TRIM25: variants seen among roughly 807,000 people sequenced by gnomAD.
TRIM25 encodes tripartite motif containing 25.
TRIM25 carries 45 observed loss-of-function variants against 65.2 expected under a neutral mutation model. The observed-to-expected ratio is 0.69, with a 90% CI of 0.54 to 0.89. The LOEUF is 0.89. Among genes scored for constraint, TRIM25 ranks in the 40% least tolerant of loss-of-function variants. TRIM25 has a pLI of 0.00. For synonymous variants in TRIM25, 321 were observed against 340.4 expected (o/e 0.94, Z 0.63); for missense variants, 714 against 803.7 (o/e 0.89, Z 1.35).
chr17:56,904,212 A>C (rs1478217433), intron 3 of TRIM25, 43 bp downstream of exon 3: 1 of 590,538 alleles, frequency 1.7e-6, no homozygotes, highest in Admixed American at 4.7e-5. Flanking sequence ...ACATCAGGCA[A>C]AAAAAAAAAA....
chr17:56,901,786 C>G (rs576832525), intron 3 of TRIM25, among the ~76,000 whole-genome samples: 2 of 152,164 alleles, frequency 1.3e-5, no homozygotes, highest in African/African-American at 4.8e-5. Context: ...AGAGGTCACT[C>G]ATCTTACAGA....
At chr17:56,898,236 C>T (rs1014198862) in intron 5 of TRIM25, among the ~76,000 whole-genome samples, 4 of 151,584 alleles carry the variant, frequency 2.6e-5, no homozygotes, top group Middle Eastern at 3.4e-3. Context: ...ATATGGACAT[C>T]TCAGCGGTAT....
In TRIM25 at chr17:56,901,576, T is replaced by C; in HGVS notation, c.930A>G (p.Lys310=). 6.2e-7 allele frequency: 1 copy of C among 1,614,072 alleles called. No homozygotes were observed. The highest frequency in any genetic ancestry group is 8.5e-7 in the Non-Finnish European group (1 of 1,180,002). ...TTGAGATTCCTCGCAGTTTTGATGC[T>C]TTCTGGAACATGCCAGGGGGTTAGT... ...TKRDEFEFLE[K]ASKLRGISTK... Residue 310 remains lysine (K), a splice_region_variant and synonymous_variant, in exon 4 of 9, where the codon AAA becomes AAG. Coordinates refer to ENST00000316881, the MANE Select transcript of TRIM25 (RefSeq NM_005082.5).
rs2144358791 is a variant in TRIM25 at position 56,904,435 on chromosome 17, C to G, written c.747G>C (p.Lys249Asn). Residue 249 changes from lysine (K) to asparagine (N), a missense_variant, in exon 3 of 9, where the codon AAG becomes AAC. Lys to Asn is a moderately conservative substitution (Grantham distance 94). Around this residue, in one of 3 missense-constraint regions of TRIM25, gnomAD observed 413 missense variants for 498.2 expected, o/e 0.83. Transcript: ENST00000316881. ...EQLQQEYTEM[K>N]ALLDASETTS... The stretch of plus-strand genomic sequence containing the variant: ...TGGTCTCTGAGGCGTCCAAGAGAGC[C>G]TTCATTTCCGTGTATTCTTGTTGTA... 6.2e-7 allele frequency: 1 copy of G among 1,614,084 alleles called. No individual in the cohort carries two copies. Among genetic ancestry groups the G allele is most frequent in the East Asian group, 2.2e-5 (1 of 44,876 alleles).
chr17:56,907,751 T>A (rs529131271), intron 2 of TRIM25, among the ~76,000 whole-genome samples: 9 of 152,336 alleles, frequency 5.9e-5, no homozygotes, highest in African/African-American at 1.9e-4. Flanking sequence ...GTGACTGTAA[T>A]CTTACTTAGG....
At chr17:56,900,575 C>T (rs1416781803) in intron 4 of TRIM25, among the ~76,000 whole-genome samples, 1 of 152,144 alleles carries the variant, frequency 6.6e-6, no homozygotes, top group African/African-American at 2.4e-5. Flanking sequence ...TAATGTTTTG[C>T]TGATCTTTGA....
At chr17:56,907,107 C>T (rs1276071257) in intron 2 of TRIM25, among the ~76,000 whole-genome samples, 2 of 152,216 alleles carry the variant, frequency 1.3e-5, no homozygotes, top group African/African-American at 4.8e-5. Flanking sequence ...GGTAACCCAG[C>T]TTCAACCAAA....
At chr17:56,899,475 T>C (rs1306358327) in intron 4 of TRIM25, among the ~76,000 whole-genome samples, 1 of 152,192 alleles carries the variant, frequency 6.6e-6, no homozygotes, top group Non-Finnish European at 1.5e-5. Context: ...GAGCACACAA[T>C]GGGGATGACT....
chr17:56,902,466 A>C (rs1016686296), intron 3 of TRIM25, among the ~76,000 whole-genome samples: 1 of 152,238 alleles, frequency 6.6e-6, no homozygotes, highest in African/African-American at 2.4e-5. Flanking sequence ...TTACTGTAGA[A>C]ACAGTGTGGC....
intron 8 of TRIM25, among the ~76,000 whole-genome samples, chr17:56,893,789 GGA>G (rs773910464): frequency 6.6e-6 from 1 of 152,236 alleles, no homozygotes; most frequent in Non-Finnish European, 1.5e-5. Flanking sequence ...AGCGGCAAGG[GGA>G]GAGAGTGTCA....
chr17:56,895,461 G>A lies in TRIM25; in HGVS notation c.1265-20C>T. On this transcript the variant is annotated intron_variant, in intron 7 of 8. Transcript: ENST00000316881. ...CTGCAGCTGGGAGAGGAAACAGAGA[G>A]TGATTTGCAGAACAAACTCAGAGTG... The A allele has an allele frequency of 6.2e-7, 1 of 1,614,070 alleles. No individual in the cohort carries two copies.
intron 2 of TRIM25, among the ~76,000 whole-genome samples, chr17:56,906,215 C>G (rs1909516315): frequency 3.5e-5 from 2 of 56,350 alleles, no homozygotes; most frequent in South Asian, 4.6e-4. Context: ...ATATTCTTAT[C>G]ACAGGGTTTG....
intron 4 of TRIM25, among the ~76,000 whole-genome samples, chr17:56,900,280 G>A (rs1395415610): frequency 2.0e-5 from 3 of 152,048 alleles, no homozygotes; most frequent in Non-Finnish European, 4.4e-5. Flanking sequence ...CTAGCTAGTC[G>A]GGAGGCTGAG....
At chr17:56,911,816 C>T (rs763063028) in intron 1 of TRIM25, among the ~76,000 whole-genome samples, 5 of 151,950 alleles carry the variant, frequency 3.3e-5, no homozygotes, top group Non-Finnish European at 7.4e-5. Flanking sequence ...CACCTGAGCC[C>T]AGGAGTTTGA....
Position 56,891,958 on chromosome 17 carries a change from G to T in TRIM25, c.1635C>A (p.Asn545Lys). 6.2e-7 allele frequency: 1 copy of T among 1,614,232 alleles called. No individual in the cohort carries two copies. Among genetic ancestry groups the T allele is most frequent in the Non-Finnish European group, 8.5e-7 (1 of 1,180,048 alleles). The change falls in exon 9 of 9, where the codon AAC becomes AAA. Residue 545 changes from asparagine (N) to lysine (K), a missense_variant. Physicochemically the swap from Asn to Lys is moderately conservative, Grantham distance 94. Transcript: ENST00000316881. ...ACCACTCCACGCACCAGGAGGCGCT[G>T]TTGCGGCCGAGCCTGCTTTCTGGGC... Reference protein sequence around the residue: ...RQGPESRLGRNSASWCVEWFN... With the variant: ...RQGPESRLGRKSASWCVEWFN...
At chr17:56,909,491 C>G (rs1384369026) in intron 1 of TRIM25, among the ~76,000 whole-genome samples, 1 of 152,042 alleles carries the variant, frequency 6.6e-6, no homozygotes, top group Non-Finnish European at 1.5e-5. Context: ...TCGAGACCAG[C>G]TTGGGCAACA....
At chr17:56,911,727 A>G (rs1364165538) in intron 1 of TRIM25, among the ~76,000 whole-genome samples, 2 of 152,002 alleles carry the variant, frequency 1.3e-5, no homozygotes, top group Non-Finnish European at 2.9e-5. Context: ...ATCTTTACAA[A>G]AGAATTTTTT....
chr17:56,899,637 A>T (rs1435941365), intron 4 of TRIM25, among the ~76,000 whole-genome samples: 2 of 152,132 alleles, frequency 1.3e-5, no homozygotes, highest in African/African-American at 4.8e-5. Context: ...GCACTTCCAC[A>T]ATGGGGCTGC....
chr17:56,898,657 T>A (rs1909347636), intron 5 of TRIM25, among the ~76,000 whole-genome samples: 1 of 151,680 alleles, frequency 6.6e-6, no homozygotes. Context: ...AGGAAAAAAA[T>A]TTTCTCAAAT....
Sources: gnomAD v4.1 joint callset for allele counts (sites outside exome capture counted in the v4.1 genomes callset) on GRCh38, gnomAD v4.1.1 for gene constraint, gnomAD v4.1.1 regional missense constraint, MANE v1.5 for transcripts, NCBI Gene and HGNC (gene_info 2026-07-23, HGNC 2026-07-21) for gene names.